EPB41L4A: variants seen among roughly 807,000 people sequenced by gnomAD.
EPB41L4A encodes band 4.1-like protein 4A.
Under a neutral mutation model 108.6 loss-of-function variants are expected in EPB41L4A, and 100 were observed. The ratio of observed to expected loss-of-function variants is 0.92; its 90% CI spans 0.78 to 1.09. The LOEUF is 1.09. Among genes scored for constraint, EPB41L4A ranks in the 50% least tolerant of loss-of-function variants. The pLI is 0.00. For synonymous variants in EPB41L4A, 319 were observed against 289.0 expected (o/e 1.10, Z -1.05); for missense variants, 1,030 against 842.7 (o/e 1.22, Z -2.75).
chr5:112,361,523 T>TA (rs796244863), intron 1 of EPB41L4A, among the ~76,000 whole-genome samples: 1,849 of 81,102 alleles, frequency 0.023, 32 homozygotes, highest in African/African-American at 0.069. Flanking sequence ...AATAAATACT[T>TA]AAAAAAAAAA....
rs754756550 is a variant in EPB41L4A, at chr5:112,170,360, A to G, written c.1680T>C (p.Leu560=). Residue 560 remains leucine (L), a synonymous_variant, in exon 20 of 23, where the codon CTT becomes CTC. Coordinates refer to ENST00000261486, the MANE Select transcript of EPB41L4A (RefSeq NM_022140.5). ...CTTCGGACAATCCGGATGGATCCAC[A>G]AGTTCTTTTCTGTAAAGGAATATGC... The part of the protein sequence containing the change: ...EELWKHIQKE[L]VDPSGLSEEQ... 6.2e-7 allele frequency: 1 copy of G among 1,609,248 alleles called. No individual in the cohort carries two copies. Among genetic ancestry groups the G allele is most frequent in the African/African-American group, 1.3e-5 (1 of 74,926 alleles).
At chr5:112,228,804 G>A in intron 12 of EPB41L4A, 1 of 940,128 alleles carries the variant, frequency 1.1e-6, no homozygotes, top group Non-Finnish European at 1.3e-6. Flanking sequence ...CTCCTCTGAG[G>A]CAGTTTAGAC....
At chr5:112,244,931 G>A (rs780486545) in intron 9 of EPB41L4A, among the ~76,000 whole-genome samples, 2 of 152,028 alleles carry the variant, frequency 1.3e-5, no homozygotes, top group African/African-American at 2.4e-5. Flanking sequence ...TATAACGTAT[G>A]TAATAATAAT....
intron 1 of EPB41L4A, among the ~76,000 whole-genome samples, chr5:112,318,491 C>A (rs1489901511): frequency 2.0e-5 from 3 of 152,150 alleles, no homozygotes; most frequent in African/African-American, 7.2e-5. Context: ...TGGACTCAAG[C>A]CCAACCTTTC....
At chr5:112,299,577 G>C (rs371330597) in intron 2 of EPB41L4A, among the ~76,000 whole-genome samples, 1 of 152,178 alleles carries the variant, frequency 6.6e-6, no homozygotes, top group African/African-American at 2.4e-5. Context: ...CACCAAGGCA[G>C]GTAGATCACC....
At chr5:112,334,653 G>A (rs1756801083) in intron 1 of EPB41L4A, among the ~76,000 whole-genome samples, 2 of 151,802 alleles carry the variant, frequency 1.3e-5, no homozygotes, top group African/African-American at 4.8e-5. Flanking sequence ...CACCTTTCTG[G>A]GCCAAACCAA....
At chr5:112,301,643 A>G (rs1000518612) in intron 2 of EPB41L4A, among the ~76,000 whole-genome samples, 7 of 152,110 alleles carry the variant, frequency 4.6e-5, no homozygotes, top group Non-Finnish European at 1.0e-4. Context: ...CTGGAGCAAA[A>G]TTTCACAATG....
At position 112,239,684 on chromosome 5, in the gene EPB41L4A, G is replaced by T. The variant is rs1228765134; in HGVS notation, c.941C>A (p.Ser314Tyr). The stretch of plus-strand genomic sequence containing the variant: ...CCTGTAGCGGTGCTTATAACGTATG[G>T]ATCCAAACTTGCTGAGTTTTCTTGA... ...SLSRKLSKFGSIRYKHRYSGR... is the reference protein window; with the variant it reads ...SLSRKLSKFGYIRYKHRYSGR... The change falls in exon 11 of 23, where the codon TCC (serine) becomes TAC (tyrosine). Residue 314 changes from serine (S) to tyrosine (Y), a missense_variant. By Grantham distance (144) the Ser-to-Tyr change is moderately radical (BLOSUM62 -2). Transcript: ENST00000261486. The T allele has an allele frequency of 1.9e-6, 3 of 1,608,256 alleles. No homozygotes were observed. The highest frequency in any genetic ancestry group is 2.5e-6 in the Non-Finnish European group (3 of 1,177,426).
At chr5:112,340,716 T>C (rs1022169502) in intron 1 of EPB41L4A, among the ~76,000 whole-genome samples, 3 of 152,184 alleles carry the variant, frequency 2.0e-5, no homozygotes, top group African/African-American at 7.2e-5. Flanking sequence ...TTTCTGCCAA[T>C]TTTCTTTCGG....
In EPB41L4A at chr5:112,233,643, G is replaced by C. The variant is rs79218348; in HGVS notation, c.1087+991C>G. On this transcript the variant is annotated intron_variant, in intron 12 of 22. Coordinates refer to ENST00000261486, the MANE Select transcript of EPB41L4A (RefSeq NM_022140.5). ...GCTCAGGCTATACTCAAACTCCCAG[G>C]CTCAAGCGATACTTCTGCCCTAGCC... is the stretch of plus-strand genomic sequence containing the variant. Among the ~76,000 whole-genome samples, 141 of 152,012 alleles carry C rather than the reference G, an allele frequency of 9.3e-4. 4 individuals are homozygous for C. The East Asian group carries it at 0.017, about 18-fold the overall frequency.
chr5:112,362,630 A>C (rs1758843788), intron 1 of EPB41L4A, among the ~76,000 whole-genome samples: 1 of 152,160 alleles, frequency 6.6e-6, no homozygotes, highest in African/African-American at 2.4e-5. Flanking sequence ...TCACTTTATC[A>C]TTAATAGCAA....
intron 2 of EPB41L4A, among the ~76,000 whole-genome samples, chr5:112,295,817 GTGA>G (rs1753952503): frequency 1.3e-5 from 2 of 152,326 alleles, no homozygotes; most frequent in South Asian, 4.1e-4. Context: ...AGCACCAGGA[GTGA>G]TGATTTTTGT....
chr5:112,216,044 T>C lies in EPB41L4A; in HGVS notation c.1088-6062A>G, dbSNP rs12518232. ...AATACACTATATCCAAATACTTCCA[T>C]CCTGGTGCATCAGACCACTACCAGT... On this transcript the variant is annotated intron_variant, in intron 12 of 22. Transcript: ENST00000261486. 4.5e-3 allele frequency among the ~76,000 whole-genome samples: 678 copies of C among 152,292 alleles called. 22 individuals are homozygous for C. Among genetic ancestry groups the C allele is most frequent in the Admixed American group, 0.033 (510 of 15,298 alleles).
At chr5:112,350,450 C>T (rs1262423623) in intron 1 of EPB41L4A, among the ~76,000 whole-genome samples, 4 of 152,170 alleles carry the variant, frequency 2.6e-5, no homozygotes, top group Admixed American at 2.6e-4. Context: ...GGATATTCAT[C>T]ACCTCGAGGA....
chr5:112,298,627 G>T (rs1189147716), intron 2 of EPB41L4A, among the ~76,000 whole-genome samples: 2 of 151,956 alleles, frequency 1.3e-5, no homozygotes, highest in South Asian at 4.2e-4. Flanking sequence ...GTTCATCAGG[G>T]GTATTGGTCT....
chr5:112,323,550 T>G (rs1276525739), intron 1 of EPB41L4A, among the ~76,000 whole-genome samples: 2 of 152,236 alleles, frequency 1.3e-5, no homozygotes, highest in Non-Finnish European at 2.9e-5. Flanking sequence ...CAACTACTCC[T>G]TATTAAGTAA....
At chr5:112,380,280 T>G (rs910686518) in intron 1 of EPB41L4A, among the ~76,000 whole-genome samples, 4 of 152,218 alleles carry the variant, frequency 2.6e-5, no homozygotes, top group Admixed American at 2.6e-4. Flanking sequence ...TACAAAGGTA[T>G]CAACCTATTT....
Position 112,229,877 on chromosome 5 carries a change from A to G in EPB41L4A, c.1087+4757T>C, listed in dbSNP as rs560049021. ...GTGGTGGTCGCCTGTAGTCCCAGCT[A>G]CTTGGGAGGCTGAGGCAGGAGAATG... On this transcript the variant is annotated intron_variant, in intron 12 of 22. Coordinates refer to ENST00000261486, the MANE Select transcript of EPB41L4A (RefSeq NM_022140.5). Among the ~76,000 whole-genome samples, 7 of 151,710 alleles carry G rather than the reference A, an allele frequency of 4.6e-5. No individual in the cohort carries two copies. In the East Asian group the frequency reaches 1.2e-3, roughly 25 times the overall value.
chr5:112,189,928 G>A (rs759464312), intron 17 of EPB41L4A, among the ~76,000 whole-genome samples: 2 of 152,170 alleles, frequency 1.3e-5, no homozygotes, highest in Non-Finnish European at 2.9e-5. Flanking sequence ...GTTCATCAAA[G>A]GTTTCACTCT....
Sources: allele counts gnomAD v4.1 joint callset (sites outside exome capture counted in the v4.1 genomes callset), GRCh38; gene constraint gnomAD v4.1.1; transcripts MANE v1.5; gene names NCBI Gene and HGNC (gene_info 2026-07-23, HGNC 2026-07-21).